Variants in CAMK2D observed in about 807,000 individuals in gnomAD.
The protein encoded by CAMK2D is calcium/calmodulin dependent protein kinase II delta, also known as calcium/calmodulin-dependent protein kinase type II subunit delta.
Under a neutral mutation model 84.0 loss-of-function variants are expected in CAMK2D, and 37 were observed. The observed-to-expected ratio is 0.44, with a 90% CI of 0.34 to 0.58. The LOEUF is 0.58. Among genes scored for constraint, CAMK2D ranks in the 20% least tolerant of loss-of-function variants. CAMK2D has a pLI of 0.02. For missense variants in CAMK2D, 448 were observed against 652.5 expected (o/e 0.69, Z 3.41); for synonymous variants, 202 against 212.5 (o/e 0.95, Z 0.43).
chr4:113,563,565 G>A (rs1288437848), intron 4 of CAMK2D, among the ~76,000 whole-genome samples: 1 of 152,216 alleles, frequency 6.6e-6, no homozygotes, highest in African/African-American at 2.4e-5. Context: ...AAATGAGGAT[G>A]TTTCAGTGTT....
At chr4:113,505,089 A>G (rs1194897420) in intron 13 of CAMK2D, 54 bp from the exon 14 acceptor site, 2 of 995,600 alleles carry the variant, frequency 2.0e-6, no homozygotes, top group Non-Finnish European at 3.0e-6. Flanking sequence ...TTGGTAGCCA[A>G]TGTCTCTAGA....
chr4:113,754,191 C>T, intron 2 of CAMK2D: 1 of 955,892 alleles, frequency 1.0e-6, no homozygotes. Context: ...AAATCTTTAA[C>T]ACAGCCTCTA....
chr4:113,589,603 A>T lies in CAMK2D; in HGVS notation c.275+19549T>A, dbSNP rs148064700. Among the ~76,000 whole-genome samples, 569 of 152,262 alleles carry T rather than the reference A, an allele frequency of 3.7e-3. 2 individuals carry two copies. The highest frequency in any genetic ancestry group is 6.8e-3 in the Non-Finnish European group (465 of 68,012). On this transcript the variant is annotated intron_variant, in intron 4 of 20. Coordinates refer to ENST00000511664, the MANE Select transcript of CAMK2D (RefSeq NM_001321571.2). ...GGTTTTTGGACTGTGAGCCTGAAAA[A>T]GACGGAGTTGCCACTAAGAGGAGTA...
chr4:113,477,216 A>G (rs1480229705), intron 16 of CAMK2D, among the ~76,000 whole-genome samples: 1 of 152,184 alleles, frequency 6.6e-6, no homozygotes, highest in Non-Finnish European at 1.5e-5. Flanking sequence ...TTTGAAAGCA[A>G]TGATAAGACT....
chr4:113,703,862 G>A (rs974582755), intron 2 of CAMK2D, among the ~76,000 whole-genome samples: 5 of 148,542 alleles, frequency 3.4e-5, no homozygotes, highest in African/African-American at 1.2e-4. Context: ...AATGGAGGGT[G>A]TATTTTCTCA....
At chr4:113,644,344 A>T (rs747221152) in intron 3 of CAMK2D, among the ~76,000 whole-genome samples, 1 of 152,240 alleles carries the variant, frequency 6.6e-6, no homozygotes, top group Non-Finnish European at 1.5e-5. Flanking sequence ...CAGGAGTCAA[A>T]ATTATTCTAG....
At chr4:113,455,853 G>T in intron 19 of CAMK2D, 32 bp from the exon 20 acceptor site, 1 of 1,353,628 alleles carries the variant, frequency 7.4e-7, no homozygotes, top group Non-Finnish European at 1.1e-6. Context: ...AAGCCACCTG[G>T]CATAAAATGA....
intron 20 of CAMK2D, 117 bp downstream of exon 20, chr4:113,455,609 G>T: frequency 1.8e-6 from 1 of 561,262 alleles, no homozygotes; most frequent in Non-Finnish European, 3.2e-6. Context: ...CAAAGACCTT[G>T]TGCGTTTTTC....
chr4:113,508,245 A>C (rs1336071028), intron 13 of CAMK2D: 4 of 1,550,868 alleles, frequency 2.6e-6, no homozygotes, highest in Non-Finnish European at 3.5e-6. Flanking sequence ...CCATCATCTG[A>C]ACACTCGAAC....
intron 2 of CAMK2D, among the ~76,000 whole-genome samples, chr4:113,725,198 G>A (rs1402982735): frequency 6.6e-6 from 1 of 151,966 alleles, no homozygotes. Context: ...GTCTCAGATT[G>A]AGTAGCATCA....
intron 16 of CAMK2D, among the ~76,000 whole-genome samples, chr4:113,478,165 A>G (rs2097654187): frequency 6.6e-6 from 1 of 152,220 alleles, no homozygotes; most frequent in Non-Finnish European, 1.5e-5. Context: ...AGAGAGGATG[A>G]CTACTGAGAA....
At chr4:113,531,098 A>C in intron 8 of CAMK2D, 118 bp downstream of exon 8, 1 of 632,378 alleles carries the variant, frequency 1.6e-6, no homozygotes, top group Non-Finnish European at 2.9e-6. Context: ...TAAATAAATA[A>C]ATAAGAAATA....
At chr4:113,495,188 CTTG>C (rs2097912056) in intron 16 of CAMK2D, among the ~76,000 whole-genome samples, 1 of 152,162 alleles carries the variant, frequency 6.6e-6, no homozygotes, top group Non-Finnish European at 1.5e-5. Flanking sequence ...TCTAAGTAAA[CTTG>C]TTGTAAAATC....
chr4:113,517,440 G>C, intron 9 of CAMK2D, 123 bp downstream of exon 9: 1 of 488,234 alleles, frequency 2.0e-6, no homozygotes, highest in Non-Finnish European at 3.8e-6. Context: ...CCTTAAGAGA[G>C]AGGGAAATAA....
intron 3 of CAMK2D, among the ~76,000 whole-genome samples, chr4:113,612,152 G>A (rs1276794023): frequency 6.6e-6 from 1 of 152,122 alleles, no homozygotes; most frequent in African/African-American, 2.4e-5. Context: ...CAATTACTGT[G>A]AGGATGGGTT....
intron 5 of CAMK2D, among the ~76,000 whole-genome samples, chr4:113,549,749 A>G (rs940575703): frequency 3.9e-5 from 6 of 152,236 alleles, no homozygotes; most frequent in Non-Finnish European, 1.5e-5. Context: ...CACTTAATGT[A>G]TAAAATAATA....
intron 4 of CAMK2D, among the ~76,000 whole-genome samples, chr4:113,603,000 T>A (rs1162818160): frequency 1.3e-5 from 2 of 152,168 alleles, no homozygotes; most frequent in African/African-American, 4.8e-5. Context: ...AGTCTCTGCC[T>A]GAAGGCCTCT....
At chr4:113,696,933 G>A (rs2099404648) in intron 2 of CAMK2D, among the ~76,000 whole-genome samples, 1 of 151,904 alleles carries the variant, frequency 6.6e-6, no homozygotes, top group Non-Finnish European at 1.5e-5. Flanking sequence ...GTACAGAGAA[G>A]GTAATGCATA....
At chr4:113,468,867 C>T (rs1006407120) in intron 16 of CAMK2D, among the ~76,000 whole-genome samples, 32 of 152,166 alleles carry the variant, frequency 2.1e-4, no homozygotes, top group African/African-American at 7.7e-4. Context: ...CCAGAGCTAG[C>T]CATTTAATCG....
Sources: allele counts gnomAD v4.1 joint callset (sites outside exome capture counted in the v4.1 genomes callset), GRCh38; gene constraint gnomAD v4.1.1; transcripts MANE v1.5; gene names NCBI Gene and HGNC (gene_info 2026-07-23, HGNC 2026-07-21).